Variants in ADCY2 observed in about 807,000 individuals in gnomAD.
ADCY2 encodes adenylate cyclase 2, also known as adenylate cyclase type 2.
A neutral mutation model predicts 125.2 loss-of-function variants in ADCY2; 31 were observed. The observed-to-expected ratio is 0.25, with a 90% CI of 0.19 to 0.33. The LOEUF (loss-of-function observed/expected upper bound fraction) is 0.33. Among genes scored for constraint, ADCY2 ranks in the 10% least tolerant of loss-of-function variants. The probability of loss-of-function intolerance (pLI) is 1.00; values close to 1 mark genes in which losing one functional copy is unlikely to be tolerated. For synonymous variants in ADCY2, 512 were observed against 548.4 expected (o/e 0.93, Z 0.93); for missense variants, 904 against 1,418.2 (o/e 0.64, Z 5.82).
intron 2 of ADCY2, among the ~76,000 whole-genome samples, chr5:7,471,675 G>A (rs964551378): frequency 6.6e-6 from 1 of 151,784 alleles, no homozygotes; most frequent in African/African-American, 2.4e-5. Flanking sequence ...TATTTCTGGA[G>A]ATCTTCATTT....
chr5:7,626,111 T>G (rs1017775760), intron 3 of ADCY2, 56 bp from the exon 4 acceptor site: 2 of 1,555,870 alleles, frequency 1.3e-6, no homozygotes, highest in African/African-American at 2.8e-5. Flanking sequence ...TTGTTTTGAT[T>G]GTATTCACAA....
chr5:7,441,374 G>A (rs1741008026), intron 2 of ADCY2, among the ~76,000 whole-genome samples: 1 of 152,056 alleles, frequency 6.6e-6, no homozygotes, highest in Non-Finnish European at 1.5e-5. Context: ...GCTTCGCTGA[G>A]TGATACTGCA....
chr5:7,773,006 G>T lies in ADCY2; in HGVS notation c.2289G>T (p.Met763Ile). ...TGCGGGTAAACTATGAGCTGAAGAT[G>T]TTGATCATGATGGTGGCCTTGGTGG... is the stretch of plus-strand genomic sequence containing the variant. ...VFLRVNYELK[M>I]LIMMVALVGY... The change falls in exon 18 of 25, where the codon ATG becomes ATT. Residue 763 changes from methionine to isoleucine, a missense_variant. By Grantham distance (10) the Met-to-Ile change is conservative. Transcript: ENST00000338316. 1 of 1,614,168 alleles carries T rather than the reference G, an allele frequency of 6.2e-7. No individual in the cohort carries two copies. The highest frequency in any genetic ancestry group is 8.5e-7 in the Non-Finnish European group (1 of 1,180,020).
chr5:7,787,982 C>G (rs1744133217), intron 19 of ADCY2, among the ~76,000 whole-genome samples: 2 of 152,064 alleles, frequency 1.3e-5, no homozygotes, highest in Non-Finnish European at 2.9e-5. Context: ...TTTGTCTTCT[C>G]AATGCCCCCA....
chr5:7,525,108 T>C (rs2126538274), intron 3 of ADCY2, among the ~76,000 whole-genome samples: 1 of 152,248 alleles, frequency 6.6e-6, no homozygotes, highest in East Asian at 1.9e-4. Context: ...GTTCAAGCAA[T>C]TCTCCTGTCT....
At chr5:7,562,468 C>G (rs1217124667) in intron 3 of ADCY2, among the ~76,000 whole-genome samples, 3 of 152,038 alleles carry the variant, frequency 2.0e-5, no homozygotes, top group Non-Finnish European at 4.4e-5. Flanking sequence ...ACCATGACAA[C>G]TCATTGTTTA....
intron 2 of ADCY2, among the ~76,000 whole-genome samples, chr5:7,459,860 C>T (rs1413306405): frequency 7.4e-6 from 1 of 135,196 alleles, no homozygotes; most frequent in African/African-American, 2.8e-5. Flanking sequence ...GATCGCGGCT[C>T]ACTGCAAGCT....
At chr5:7,647,874 A>C (rs1216419495) in intron 4 of ADCY2, among the ~76,000 whole-genome samples, 3 of 152,156 alleles carry the variant, frequency 2.0e-5, no homozygotes, top group African/African-American at 7.2e-5. Context: ...TCTGTATTGA[A>C]ATATTTCAGA....
intron 18 of ADCY2, among the ~76,000 whole-genome samples, chr5:7,773,548 C>T (rs1743622441): frequency 6.6e-6 from 1 of 152,026 alleles, no homozygotes; most frequent in East Asian, 1.9e-4. Flanking sequence ...CTAGAAATTG[C>T]CAAATGTCCT....
At chr5:7,436,674 CT>C (rs1446762584) in intron 2 of ADCY2, among the ~76,000 whole-genome samples, 1 of 152,204 alleles carries the variant, frequency 6.6e-6, no homozygotes, top group African/African-American at 2.4e-5. Context: ...CCACCAGTGC[CT>C]TTGGCAAGGA....
chr5:7,495,091 G>A (rs1325625685), intron 2 of ADCY2, among the ~76,000 whole-genome samples: 2 of 152,156 alleles, frequency 1.3e-5, no homozygotes, highest in African/African-American at 4.8e-5. Flanking sequence ...ACAAAACTCA[G>A]GCAAACCCAT....
rs1051526278 is a variant in ADCY2 at position 7,663,769 on chromosome 5, G to A, written c.721-26922G>A. Among the ~76,000 whole-genome samples the A allele has an allele frequency of 1.8e-4, 28 of 152,176 alleles. 1 individual carries two copies. Among genetic ancestry groups the A allele is most frequent in the African/African-American group, 5.1e-4 (21 of 41,440 alleles). On this transcript the variant is annotated intron_variant, in intron 4 of 24. Transcript: ENST00000338316. ...AGGCTTGGGGTCGGGATTCTAGCAA[G>A]TGGGGCCCTGAGATTAATGACAAAC...
At chr5:7,691,932 G>T in intron 5 of ADCY2, 1 of 155,006 alleles carries the variant, frequency 6.5e-6, no homozygotes, top group South Asian at 1.9e-4. Context: ...GAGAAAGAGA[G>T]GGAAGGGGAA....
At chr5:7,555,558 A>G (rs1315112860) in intron 3 of ADCY2, among the ~76,000 whole-genome samples, 1 of 152,222 alleles carries the variant, frequency 6.6e-6, no homozygotes, top group Non-Finnish European at 1.5e-5. Flanking sequence ...ATATAATTGT[A>G]TATGTCCATA....
At chr5:7,552,939 T>C (rs988265976) in intron 3 of ADCY2, among the ~76,000 whole-genome samples, 7 of 152,188 alleles carry the variant, frequency 4.6e-5, no homozygotes, top group African/African-American at 1.2e-4. Context: ...AAAAGGCTGC[T>C]GTTGTGCTGG....
At chr5:7,480,474 C>A (rs1433680183) in intron 2 of ADCY2, among the ~76,000 whole-genome samples, 4 of 152,080 alleles carry the variant, frequency 2.6e-5, no homozygotes, top group Non-Finnish European at 5.9e-5. Flanking sequence ...ACCTGGAGAC[C>A]ATTATCCTTA....
At chr5:7,701,334 A>G (rs1561175290) in intron 7 of ADCY2, among the ~76,000 whole-genome samples, 1 of 152,250 alleles carries the variant, frequency 6.6e-6, no homozygotes, top group South Asian at 2.1e-4. Flanking sequence ...TTCCAGTTCC[A>G]TAATGTTTAA....
chr5:7,766,511 A>G (rs1356396971), intron 16 of ADCY2, among the ~76,000 whole-genome samples, 176 bp from the exon 17 acceptor site: 2 of 152,250 alleles, frequency 1.3e-5, no homozygotes, highest in African/African-American at 2.4e-5. Flanking sequence ...GGAATTCTCT[A>G]TTGAATGTAT....
chr5:7,434,329 G>C (rs1172396083), intron 2 of ADCY2, among the ~76,000 whole-genome samples: 1 of 152,214 alleles, frequency 6.6e-6, no homozygotes, highest in African/African-American at 2.4e-5. Context: ...GAAATACTAA[G>C]TTAGAGTGAA....
Sources: allele counts gnomAD v4.1 joint callset (sites outside exome capture counted in the v4.1 genomes callset), GRCh38; gene constraint gnomAD v4.1.1; transcripts MANE v1.5; gene names NCBI Gene and HGNC (gene_info 2026-07-23, HGNC 2026-07-21).